ZNF638: variants seen among roughly 807,000 people sequenced by gnomAD.
ZNF638 encodes CTCL tumor antigen se33-1.
A neutral mutation model predicts 195.6 loss-of-function variants in ZNF638; 46 were observed. The observed-to-expected ratio is 0.24, with a 90% CI of 0.19 to 0.30. The LOEUF (loss-of-function observed/expected upper bound fraction) is 0.30. Ranked by LOEUF, ZNF638 falls within the 10% of genes least tolerant of loss-of-function variation. ZNF638 has a pLI of 1.00. For missense variants in ZNF638, 2,440 were observed against 2,325.3 expected, an observed-to-expected ratio of 1.05 and a Z score of -1.01; for synonymous variants, 845 against 772.0, an observed-to-expected ratio of 1.09 and a Z score of -1.57.
chr2:71,357,768 A>G (rs1336793570), intron 3 of ZNF638, among the ~76,000 whole-genome samples: 2 of 152,048 alleles, frequency 1.3e-5, no homozygotes, highest in South Asian at 2.1e-4. Context: ...TATCCAGTGT[A>G]TTTTGGTTCT....
At chr2:71,406,956 C>G (rs571854985) in intron 19 of ZNF638, among the ~76,000 whole-genome samples, 1 of 152,110 alleles carries the variant, frequency 6.6e-6, no homozygotes. Flanking sequence ...GCTGTGTTCA[C>G]GCCACCACAC....
intron 8 of ZNF638, among the ~76,000 whole-genome samples, chr2:71,370,517 G>T (rs1184776755): frequency 6.6e-6 from 1 of 152,124 alleles, no homozygotes; most frequent in African/African-American, 2.4e-5. Context: ...CAGTTCATAT[G>T]ATCGTAGATA....
intron 27 of ZNF638, 34 bp from the exon 28 acceptor site, chr2:71,434,708 A>G (rs1316626037): frequency 1.9e-6 from 3 of 1,578,940 alleles, no homozygotes; most frequent in East Asian, 2.2e-5. Context: ...ATAACGTCTA[A>G]TAAGTATTTT....
intron 11 of ZNF638, among the ~76,000 whole-genome samples, chr2:71,396,894 C>G (rs931493863): frequency 1.3e-5 from 2 of 152,172 alleles, no homozygotes; most frequent in Admixed American, 1.3e-4. Context: ...TTGCAGTGAG[C>G]TGAGATCTTG....
intron 19 of ZNF638, chr2:71,407,576 T>C (rs1428215508): frequency 6.6e-6 from 1 of 152,216 alleles, no homozygotes; most frequent in Non-Finnish European, 1.5e-5. Context: ...TTTAACATTT[T>C]AATCATGTTT....
intron 8 of ZNF638, 75 bp downstream of exon 8, chr2:71,370,080 A>G (rs908515262): frequency 4.8e-6 from 7 of 1,454,672 alleles, no homozygotes; most frequent in Non-Finnish European, 6.6e-6. Flanking sequence ...TATGGCACAC[A>G]TATAGAAATA....
intron 2 of ZNF638, among the ~76,000 whole-genome samples, chr2:71,351,584 A>G (rs1355435582): frequency 6.6e-6 from 1 of 152,190 alleles, no homozygotes; most frequent in African/African-American, 2.4e-5. Flanking sequence ...CTTTTAATTA[A>G]TCATAATGAA....
intron 10 of ZNF638, among the ~76,000 whole-genome samples, chr2:71,383,914 GA>G (rs1436045794): frequency 6.6e-6 from 1 of 151,388 alleles, no homozygotes; most frequent in East Asian, 1.9e-4. Flanking sequence ...CTTCCTGGGT[GA>G]TTTCTTTCCT....
chr2:71,335,119 C>A (rs566356312), intron 1 of ZNF638, among the ~76,000 whole-genome samples: 1 of 152,154 alleles, frequency 6.6e-6, no homozygotes, highest in South Asian at 2.1e-4. Context: ...TCCCTGCGGC[C>A]TCTACCTCCT....
At chr2:71,352,528 G>A (rs939314147) in intron 2 of ZNF638, among the ~76,000 whole-genome samples, 2 of 151,018 alleles carry the variant, frequency 1.3e-5, no homozygotes, top group South Asian at 4.2e-4. Flanking sequence ...AGGGTTGGCG[G>A]CAACAACATA....
intron 2 of ZNF638, among the ~76,000 whole-genome samples, chr2:71,351,013 T>C (rs1410073541): frequency 6.6e-6 from 1 of 152,212 alleles, no homozygotes; most frequent in East Asian, 1.9e-4. Context: ...GTCGTAATCA[T>C]TGGTAGATTT....
rs377681770 is a variant in ZNF638 at position 71,334,913 on chromosome 2, T to TC, written c.-203+3040dup. On this transcript the variant is annotated intron_variant, in intron 1 of 27. Transcript: ENST00000264447. Reference sequence around the variant, plus strand: ...TCCAGCCTGGGCGACAGAGCTAGACTCCGTCTCCAAAAAAAAAAACAAAAA... The same window carrying TC: ...TCCAGCCTGGGCGACAGAGCTAGACTCCCGTCTCCAAAAAAAAAAACAAAAA... Among the ~76,000 whole-genome samples, 787 of 150,366 alleles carry TC rather than the reference T, an allele frequency of 5.2e-3. 5 individuals carry two copies. The highest frequency in any genetic ancestry group is 0.018 in the African/African-American group (744 of 40,810).
chr2:71,418,993 A>G (rs1406664320), intron 21 of ZNF638, among the ~76,000 whole-genome samples: 1 of 152,232 alleles, frequency 6.6e-6, no homozygotes, highest in Non-Finnish European at 1.5e-5. Flanking sequence ...TCCAAAATAA[A>G]CACGGTAGTA....
rs1241589875 is a variant in ZNF638, at chr2:71,405,534, TAACTA to T, written c.2959-65_2959-61del. 5.1e-6 allele frequency: 5 copies of T among 985,564 alleles called. No homozygotes were observed. The East Asian group carries it at 7.6e-5, about 15-fold the overall frequency. 61.1% of individuals were successfully genotyped at this position (985,564 alleles called of 1,614,324 possible). A position where few individuals can be genotyped will look rare whatever the true frequency, so the allele number is the denominator to read the frequency against. ...GTATAGATTGTCATGTTATAAATCT[TAACTA>T]AGTAAGTATTTGTATGAGAAAGAGC... On this transcript the variant is annotated intron_variant, in intron 17 of 27. Transcript: ENST00000264447.
At chr2:71,399,437 G>T in intron 12 of ZNF638, 122 bp from the exon 13 acceptor site, 2 of 649,578 alleles carry the variant, frequency 3.1e-6, no homozygotes, top group Non-Finnish European at 2.7e-6. Context: ...TAGAAATAAT[G>T]ACTATGTGGA....
At chr2:71,385,249 A>G (rs1442998195) in intron 10 of ZNF638, among the ~76,000 whole-genome samples, 1 of 152,230 alleles carries the variant, frequency 6.6e-6, no homozygotes, top group Admixed American at 6.5e-5. Context: ...AAAACTAAAC[A>G]CATGCTTACC....
At chr2:71,388,677 A>G (rs1376431267) in intron 10 of ZNF638, 1 of 1,086,924 alleles carries the variant, frequency 9.2e-7, no homozygotes, top group African/African-American at 1.5e-5. Flanking sequence ...ACTGCAAGGG[A>G]TCACGACGGA....
chr2:71,337,030 A>G (rs1053407397), intron 1 of ZNF638, among the ~76,000 whole-genome samples: 1 of 152,164 alleles, frequency 6.6e-6, no homozygotes, highest in African/African-American at 2.4e-5. Flanking sequence ...GTCAATAGTT[A>G]GGAAGTGAAC....
chr2:71,393,305 T>C (rs906368186), intron 10 of ZNF638: 4 of 639,472 alleles, frequency 6.3e-6, no homozygotes, highest in Non-Finnish European at 1.2e-5. Flanking sequence ...CGCAGTTTTA[T>C]GGAAAGATGT....
Sources: allele counts gnomAD v4.1 joint callset (sites outside exome capture counted in the v4.1 genomes callset), GRCh38; gene constraint gnomAD v4.1.1; transcripts MANE v1.5; gene names NCBI Gene and HGNC (gene_info 2026-07-23, HGNC 2026-07-21).